Variants in AGBL4 observed in about 807,000 individuals in gnomAD.
AGBL4 encodes cytosolic carboxypeptidase 6.
Under a neutral mutation model 66.4 loss-of-function variants are expected in AGBL4, and 58 were observed. That is an observed-to-expected ratio of 0.87 (90% confidence interval 0.71 to 1.09). The LOEUF (loss-of-function observed/expected upper bound fraction) is 1.09. Among genes scored for constraint, AGBL4 ranks in the 50% least tolerant of loss-of-function variants. The probability of loss-of-function intolerance (pLI) is 0.00; values close to 1 mark genes in which losing one functional copy is unlikely to be tolerated. For synonymous variants in AGBL4, 234 were observed against 222.9 expected (o/e 1.05, Z -0.44); for missense variants, 579 against 631.0 (o/e 0.92, Z 0.88).
intron 6 of AGBL4, among the ~76,000 whole-genome samples, chr1:48,814,652 A>G (rs1257782618): frequency 6.8e-6 from 1 of 147,456 alleles, no homozygotes; most frequent in Non-Finnish European, 1.5e-5. Flanking sequence ...GAGTGAGAAC[A>G]TGCGGTATTT....
At chr1:48,903,863 GC>G (rs1268794632) in intron 5 of AGBL4, among the ~76,000 whole-genome samples, 1 of 152,214 alleles carries the variant, frequency 6.6e-6, no homozygotes, top group African/African-American at 2.4e-5. Context: ...TGTTTAAGGT[GC>G]TTTTTCCTTT....
intron 3 of AGBL4, among the ~76,000 whole-genome samples, chr1:49,528,709 TATAAG>T (rs1201622891): frequency 1.3e-4 from 20 of 152,164 alleles, no homozygotes; most frequent in African/African-American, 3.9e-4. Context: ...GATTGACATT[TATAAG>T]ATGAGTGGGA....
chr1:49,201,871 T>C (rs574246086), intron 4 of AGBL4, among the ~76,000 whole-genome samples: 1 of 152,198 alleles, frequency 6.6e-6, no homozygotes, highest in South Asian at 2.1e-4. Context: ...TTGTGCTCTA[T>C]TCCCAGCCAG....
intron 5 of AGBL4, among the ~76,000 whole-genome samples, chr1:49,003,359 T>C (rs1435031595): frequency 6.6e-6 from 1 of 151,940 alleles, no homozygotes; most frequent in East Asian, 1.9e-4. Context: ...GATCACGCCA[T>C]TGCACTCCAG....
At chr1:49,956,295 A>G (rs1023514655) in intron 1 of AGBL4, among the ~76,000 whole-genome samples, 1 of 151,894 alleles carries the variant, frequency 6.6e-6, no homozygotes, top group Non-Finnish European at 1.5e-5. Flanking sequence ...TGAAGAACAC[A>G]GCTTTCAATC....
intron 5 of AGBL4, among the ~76,000 whole-genome samples, chr1:48,888,258 C>T (rs1223025531): frequency 6.6e-6 from 1 of 152,184 alleles, no homozygotes; most frequent in African/African-American, 2.4e-5. Context: ...ATTAAAAGCA[C>T]TAAGGCGGGC....
At chr1:49,848,313 T>C (rs1646209457) in intron 2 of AGBL4, among the ~76,000 whole-genome samples, 1 of 151,988 alleles carries the variant, frequency 6.6e-6, no homozygotes, top group South Asian at 2.1e-4. Flanking sequence ...GTAATCCCAC[T>C]ACTGGGTATC....
intron 3 of AGBL4, among the ~76,000 whole-genome samples, chr1:49,610,545 G>A (rs1289370425): frequency 6.6e-6 from 1 of 152,128 alleles, no homozygotes; most frequent in African/African-American, 2.4e-5. Context: ...TGAATGTGAT[G>A]GTATTAAGAG....
chr1:48,952,038 C>T (rs1402803386), intron 5 of AGBL4, among the ~76,000 whole-genome samples: 1 of 152,152 alleles, frequency 6.6e-6, no homozygotes, highest in Middle Eastern at 3.2e-3. Flanking sequence ...AATTTCAAAG[C>T]TCCAGTTCTT....
intron 4 of AGBL4, among the ~76,000 whole-genome samples, chr1:49,101,375 G>C (rs1351719781): frequency 2.0e-5 from 3 of 151,926 alleles, no homozygotes; most frequent in South Asian, 4.2e-4. Flanking sequence ...TTTAATAGAG[G>C]CAAGGTTTCG....
intron 2 of AGBL4, among the ~76,000 whole-genome samples, chr1:49,795,315 C>T (rs1457664992): frequency 6.6e-6 from 1 of 151,916 alleles, no homozygotes; most frequent in Non-Finnish European, 1.5e-5. Flanking sequence ...AAAACTATCA[C>T]AAATTTGCCA....
At chr1:49,202,806 A>C (rs1647815812) in intron 4 of AGBL4, among the ~76,000 whole-genome samples, 1 of 152,134 alleles carries the variant, frequency 6.6e-6, no homozygotes, top group African/African-American at 2.4e-5. Flanking sequence ...GAAACAACCA[A>C]CAGAGTGAAA....
At chr1:48,552,145 C>A (rs1644257962) in intron 11 of AGBL4, among the ~76,000 whole-genome samples, 1 of 152,106 alleles carries the variant, frequency 6.6e-6, no homozygotes, top group Non-Finnish European at 1.5e-5. Context: ...CTCACTGCAA[C>A]CTCCGCCTCC....
chr1:49,552,780 C>T (rs111571117), intron 3 of AGBL4, among the ~76,000 whole-genome samples: 242 of 152,324 alleles, frequency 1.6e-3, no homozygotes, highest in Non-Finnish European at 2.7e-3. Context: ...CTGCATACTG[C>T]TCTGTCTGTC....
At chr1:49,719,140 A>G (rs545462765) in intron 2 of AGBL4, among the ~76,000 whole-genome samples, 1 of 152,274 alleles carries the variant, frequency 6.6e-6, no homozygotes, top group Non-Finnish European at 1.5e-5. Context: ...ACAAGTGGCT[A>G]TCACTGGAAT....
At chr1:49,107,948 G>A (rs1200958517) in intron 4 of AGBL4, among the ~76,000 whole-genome samples, 1 of 152,158 alleles carries the variant, frequency 6.6e-6, no homozygotes. Context: ...TAGGGTGGGG[G>A]CTTTGTGCTA....
chr1:48,733,269 A>C (rs973911141), intron 6 of AGBL4, among the ~76,000 whole-genome samples: 2 of 152,152 alleles, frequency 1.3e-5, no homozygotes, highest in African/African-American at 4.8e-5. Flanking sequence ...AGCATAACTG[A>C]AGGAACAAGG....
chr1:48,829,563 G>C (rs1275979033), intron 6 of AGBL4, among the ~76,000 whole-genome samples: 1 of 152,130 alleles, frequency 6.6e-6, no homozygotes, highest in Non-Finnish European at 1.5e-5. Context: ...GGATCAAAAA[G>C]GTTCTGTCTC....
At chr1:49,031,479 G>A (rs1664222948) in intron 5 of AGBL4, among the ~76,000 whole-genome samples, 1 of 152,052 alleles carries the variant, frequency 6.6e-6, no homozygotes, top group Admixed American at 6.6e-5. Context: ...CAAGATGGGA[G>A]AACATATTTG....
Sources: gnomAD v4.1 joint callset for allele counts (sites outside exome capture counted in the v4.1 genomes callset) on GRCh38, gnomAD v4.1.1 for gene constraint, MANE v1.5 for transcripts, NCBI Gene and HGNC (gene_info 2026-07-23, HGNC 2026-07-21) for gene names.